DPH6: variants seen among roughly 807,000 people sequenced by gnomAD.
The protein encoded by DPH6 is diphthamine biosynthesis 6.
A neutral mutation model predicts 38.2 loss-of-function variants in DPH6; 33 were observed. That is an observed-to-expected ratio of 0.86 (90% confidence interval 0.65 to 1.15). The LOEUF is 1.15. Among genes scored for constraint, DPH6 ranks in the 50% most tolerant of loss-of-function variants. The pLI, the probability that DPH6 is intolerant of heterozygous loss-of-function variation, is 0.00. For synonymous variants in DPH6, 108 were observed against 103.0 expected (o/e 1.05, Z -0.30); for missense variants, 325 against 320.0 (o/e 1.02, Z -0.12).
intron 4 of DPH6, among the ~76,000 whole-genome samples, chr15:35,452,118 C>A (rs897211805): frequency 1.3e-5 from 2 of 149,780 alleles, no homozygotes; most frequent in African/African-American, 2.5e-5. Flanking sequence ...CTGTTTAGTT[C>A]CTGCACTTTA....
At chr15:35,427,046 A>G (rs1172305878) in intron 5 of DPH6, among the ~76,000 whole-genome samples, 2 of 151,806 alleles carry the variant, frequency 1.3e-5, no homozygotes, top group Non-Finnish European at 3.0e-5. Context: ...AAGGAAACAC[A>G]AGGACTAAAT....
chr15:35,399,562 T>C (rs1024785693), intron 6 of DPH6, among the ~76,000 whole-genome samples: 5 of 152,056 alleles, frequency 3.3e-5, no homozygotes, highest in African/African-American at 9.7e-5. Flanking sequence ...GATAAAAACA[T>C]ACACACCCAA....
intron 3 of DPH6, among the ~76,000 whole-genome samples, chr15:35,325,194 C>A (rs964484633): frequency 3.3e-5 from 5 of 152,018 alleles, no homozygotes; most frequent in African/African-American, 1.2e-4. Flanking sequence ...AATCTGAATT[C>A]CAGCTGGTTT....
downstream of DPH6, among the ~76,000 whole-genome samples, chr15:35,328,047 C>A (rs973510586): frequency 9.2e-5 from 14 of 152,154 alleles, no homozygotes; most frequent in Non-Finnish European, 2.1e-4. Flanking sequence ...TTAGTTCACT[C>A]ATCTTCACTG....
chr15:35,509,621 T>A (rs999219769), intron 3 of DPH6, among the ~76,000 whole-genome samples: 8 of 152,220 alleles, frequency 5.3e-5, no homozygotes, highest in Non-Finnish European at 1.0e-4. Flanking sequence ...GGGCAATCTG[T>A]ATTTATTGAA....
intron 5 of DPH6, among the ~76,000 whole-genome samples, chr15:35,416,403 T>A (rs1033034759): frequency 6.6e-6 from 1 of 152,124 alleles, no homozygotes; most frequent in African/African-American, 2.4e-5. Flanking sequence ...GGTAGGTTTT[T>A]TTGGCATGAA....
At chr15:35,442,779 T>C (rs1262029432) in intron 5 of DPH6, among the ~76,000 whole-genome samples, 1 of 152,210 alleles carries the variant, frequency 6.6e-6, no homozygotes, top group Non-Finnish European at 1.5e-5. Context: ...GACCACATAT[T>C]GTAGGATTCC....
intron 5 of DPH6, among the ~76,000 whole-genome samples, chr15:35,412,388 C>T (rs1311359593): frequency 6.6e-6 from 1 of 151,562 alleles, no homozygotes; most frequent in Non-Finnish European, 1.5e-5. Context: ...GATTGGAATG[C>T]AAAATGGTAC....
chr15:35,443,479 T>C (rs987444413), intron 5 of DPH6, among the ~76,000 whole-genome samples: 2 of 152,114 alleles, frequency 1.3e-5, no homozygotes, highest in African/African-American at 4.8e-5. Flanking sequence ...TGAGTACTGA[T>C]TTAGGAAAAA....
At chr15:35,305,689 A>C (rs886968614) in intron 3 of DPH6, among the ~76,000 whole-genome samples, 3 of 152,200 alleles carry the variant, frequency 2.0e-5, no homozygotes, top group Non-Finnish European at 4.4e-5. Context: ...AATTCTATAC[A>C]TATCTCTAAT....
chr15:35,145,817 T>A, the DPH6 span, among the ~76,000 whole-genome samples: 1 of 152,204 alleles, frequency 6.6e-6, no homozygotes, highest in Non-Finnish European at 1.5e-5. Flanking sequence ...TATCTGTATA[T>A]CCATCCACTT....
At chr15:35,379,225 A>C (rs1003345467) in intron 7 of DPH6, among the ~76,000 whole-genome samples, 6 of 152,180 alleles carry the variant, frequency 3.9e-5, no homozygotes, top group Admixed American at 6.5e-5. Context: ...CCTCACCTCA[A>C]AAAAGATATC....
chr15:35,291,137 A>C (rs2051977585), intron 3 of DPH6, among the ~76,000 whole-genome samples: 1 of 152,172 alleles, frequency 6.6e-6, no homozygotes, highest in African/African-American at 2.4e-5. Flanking sequence ...CATGCCTACA[A>C]GCTGAAAATC....
intron 3 of DPH6, among the ~76,000 whole-genome samples, chr15:35,499,491 C>T (rs2054598560): frequency 6.6e-6 from 1 of 152,186 alleles, no homozygotes; most frequent in Non-Finnish European, 1.5e-5. Flanking sequence ...ATTCCCTATC[C>T]CACTCCTATG....
the DPH6 span, among the ~76,000 whole-genome samples, chr15:35,201,271 C>A: frequency 6.6e-6 from 1 of 151,518 alleles, no homozygotes; most frequent in South Asian, 2.1e-4. Flanking sequence ...TTGGAATATT[C>A]TTTAGTCATA....
chr15:35,209,913 A>G, the DPH6 span, among the ~76,000 whole-genome samples: 1 of 152,206 alleles, frequency 6.6e-6, no homozygotes, highest in Non-Finnish European at 1.5e-5. Context: ...AATAAAATAG[A>G]TACTATAGGT....
chr15:35,468,738 G>A (rs1443680596), intron 3 of DPH6, among the ~76,000 whole-genome samples: 1 of 152,126 alleles, frequency 6.6e-6, no homozygotes, highest in Non-Finnish European at 1.5e-5. Flanking sequence ...TTTAAGGGTG[G>A]CGAAAAGGGG....
intron 5 of DPH6, among the ~76,000 whole-genome samples, chr15:35,433,312 T>G (rs2053655186): frequency 6.6e-6 from 1 of 152,210 alleles, no homozygotes; most frequent in African/African-American, 2.4e-5. Context: ...GATACAAACT[T>G]GCTTTCGTTT....
chr15:35,465,886 T>C (rs1044818564), intron 3 of DPH6, among the ~76,000 whole-genome samples: 3 of 152,236 alleles, frequency 2.0e-5, no homozygotes, highest in African/African-American at 7.2e-5. Flanking sequence ...GTTATATCCA[T>C]TTAAAACAAT....
Sources: allele counts gnomAD v4.1 joint callset (sites outside exome capture counted in the v4.1 genomes callset), GRCh38; gene constraint gnomAD v4.1.1; transcripts MANE v1.5; gene names NCBI Gene and HGNC (gene_info 2026-07-23, HGNC 2026-07-21).